The following SLC24A3 variants were observed in gnomAD, a reference collection of about 807,000 sequenced individuals.
SLC24A3 encodes sodium/potassium/calcium exchanger 3.
In SLC24A3, 28 loss-of-function variants were observed where a neutral mutation model predicts 75.8. The ratio of observed to expected loss-of-function variants is 0.37; its 90% CI spans 0.27 to 0.51. The LOEUF (loss-of-function observed/expected upper bound fraction) is 0.51. Ranked by LOEUF, SLC24A3 falls within the 20% of genes least tolerant of loss-of-function variation. The pLI, the probability that SLC24A3 is intolerant of heterozygous loss-of-function variation, is 0.94. For synonymous variants in SLC24A3, 372 were observed against 334.1 expected (o/e 1.11, Z -1.24); for missense variants, 663 against 847.8 (o/e 0.78, Z 2.71).
At chr20:19,379,299 C>T (rs186079630) in intron 2 of SLC24A3, among the ~76,000 whole-genome samples, 1 of 152,224 alleles carries the variant, frequency 6.6e-6, no homozygotes, top group Non-Finnish European at 1.5e-5. Context: ...TGTGTTTCTG[C>T]CTTCAGGGAT....
At chr20:19,431,135 G>A (rs187118983) in intron 2 of SLC24A3, among the ~76,000 whole-genome samples, 38 of 152,210 alleles carry the variant, frequency 2.5e-4, no homozygotes, top group African/African-American at 6.7e-4. Flanking sequence ...GTGTTGATGA[G>A]CACTACAGTG....
intron 2 of SLC24A3, among the ~76,000 whole-genome samples, chr20:19,410,256 G>A (rs373947704): frequency 1.3e-5 from 2 of 152,136 alleles, no homozygotes; most frequent in African/African-American, 4.8e-5. Context: ...CACCCAGAGG[G>A]AGAAAAATAA....
intron 1 of SLC24A3, among the ~76,000 whole-genome samples, chr20:19,251,283 C>G (rs1380242127): frequency 6.6e-6 from 1 of 152,244 alleles, no homozygotes; most frequent in African/African-American, 2.4e-5. Context: ...CTGGCATTTT[C>G]TTATGCCCTC....
intron 6 of SLC24A3, among the ~76,000 whole-genome samples, chr20:19,634,812 C>A (rs1291940915): frequency 6.6e-6 from 1 of 152,080 alleles, no homozygotes; most frequent in Non-Finnish European, 1.5e-5. Context: ...TATGTCTTGA[C>A]TGAGGTGATG....
At chr20:19,368,630 T>G (rs1985938816) in intron 2 of SLC24A3, among the ~76,000 whole-genome samples, 1 of 152,218 alleles carries the variant, frequency 6.6e-6, no homozygotes, top group Non-Finnish European at 1.5e-5. Context: ...CCATCTGCAG[T>G]CTCTGGTACA....
chr20:19,246,459 G>A (rs1465821962), intron 1 of SLC24A3, among the ~76,000 whole-genome samples: 1 of 152,090 alleles, frequency 6.6e-6, no homozygotes, highest in African/African-American at 2.4e-5. Flanking sequence ...AAGAAAAGGA[G>A]GATATAGGTA....
At chr20:19,646,020 ACT>A (rs2032132877) in intron 6 of SLC24A3, among the ~76,000 whole-genome samples, 1 of 152,188 alleles carries the variant, frequency 6.6e-6, no homozygotes, top group Non-Finnish European at 1.5e-5. Flanking sequence ...GCACCACTGC[ACT>A]CCAGCCTGGG....
intron 2 of SLC24A3, among the ~76,000 whole-genome samples, chr20:19,318,340 T>G (rs1000263743): frequency 6.6e-6 from 1 of 152,152 alleles, no homozygotes; most frequent in African/African-American, 2.4e-5. Context: ...TTGCATCCTT[T>G]TGTAGGTGGG....
intron 2 of SLC24A3, among the ~76,000 whole-genome samples, chr20:19,372,933 CCA>C (rs1986016389): frequency 6.6e-6 from 1 of 152,134 alleles, no homozygotes; most frequent in African/African-American, 2.4e-5. Flanking sequence ...TTCTTCTGAT[CCA>C]CAGTTTCCTG....
intron 1 of SLC24A3, among the ~76,000 whole-genome samples, chr20:19,280,271 C>T (rs764841080): frequency 2.6e-5 from 4 of 152,174 alleles, no homozygotes; most frequent in East Asian, 1.9e-4. Flanking sequence ...TTTCCTAGTT[C>T]GTGCCTTCAT....
intron 3 of SLC24A3, among the ~76,000 whole-genome samples, chr20:19,541,452 G>A (rs1306004773): frequency 6.6e-6 from 1 of 152,202 alleles, no homozygotes; most frequent in East Asian, 1.9e-4. Context: ...ATTAGCACGT[G>A]TGTGTCTATT....
At chr20:19,410,246 C>T (rs929869185) in intron 2 of SLC24A3, among the ~76,000 whole-genome samples, 4 of 152,150 alleles carry the variant, frequency 2.6e-5, no homozygotes, top group East Asian at 3.8e-4. Flanking sequence ...AGAAATGTGG[C>T]ACCCAGAGGG....
intron 2 of SLC24A3, among the ~76,000 whole-genome samples, chr20:19,285,294 A>G (rs547563606): frequency 2.8e-4 from 43 of 152,056 alleles, no homozygotes; most frequent in Non-Finnish European, 5.0e-4. Flanking sequence ...CCTGGGCAAC[A>G]TGGTGAAACC....
intron 3 of SLC24A3, among the ~76,000 whole-genome samples, chr20:19,544,081 A>G (rs2030548500): frequency 6.6e-6 from 1 of 152,218 alleles, no homozygotes; most frequent in Non-Finnish European, 1.5e-5. Flanking sequence ...ATTTCTAACC[A>G]AAAATATCAT....
Position 19,354,588 on chromosome 20 carries a change from A to G in SLC24A3, c.271+73501A>G, listed in dbSNP as rs866452300. On this transcript the variant is annotated intron_variant, in intron 2 of 16. Coordinates refer to ENST00000328041, the MANE Select transcript of SLC24A3 (RefSeq NM_020689.4). The stretch of plus-strand genomic sequence containing the variant: ...GGTGGACTTCATAAAAAATTTGTGT[A>G]TGTGTGTGTGTGTGTGTGTGTGTGT... Among the ~76,000 whole-genome samples the G allele has an allele frequency of 1.6e-3, 213 of 136,356 alleles. 1 individual carries two copies. The highest frequency in any genetic ancestry group is 5.9e-3 in the African/African-American group (189 of 32,006). The allele number at this position is 136,356 out of a possible 152,430, so 89.5% of individuals were successfully genotyped here.
intron 3 of SLC24A3, among the ~76,000 whole-genome samples, chr20:19,537,423 T>A (rs1171592329): frequency 6.6e-6 from 1 of 152,176 alleles, no homozygotes; most frequent in Admixed American, 6.5e-5. Context: ...TTTTACACTG[T>A]TGGTGGGACT....
chr20:19,225,472 G>A (rs1028317153), intron 1 of SLC24A3, among the ~76,000 whole-genome samples: 1 of 152,090 alleles, frequency 6.6e-6, no homozygotes, highest in African/African-American at 2.4e-5. Context: ...CCTTACATAT[G>A]TTAAATTGAT....
Position 19,575,945 on chromosome 20 carries a change from A to T in SLC24A3, c.349-4055A>T, listed in dbSNP as rs548763330. Among the ~76,000 whole-genome samples, 22 of 152,300 alleles carry T rather than the reference A, an allele frequency of 1.4e-4. No individual in the cohort carries two copies. The South Asian group carries it at 4.4e-3, about 30-fold the overall frequency. On this transcript the variant is annotated intron_variant, in intron 3 of 16. Coordinates refer to ENST00000328041, the MANE Select transcript of SLC24A3 (RefSeq NM_020689.4). ...AAGTGGAGATGGGGTGGTGAACCAG[A>T]AATGATCTTTATACAGGGAGATAGC... is the stretch of plus-strand genomic sequence containing the variant.
chr20:19,475,585 A>G (rs1284522590), intron 2 of SLC24A3, among the ~76,000 whole-genome samples: 2 of 152,234 alleles, frequency 1.3e-5, no homozygotes, highest in African/African-American at 4.8e-5. Flanking sequence ...GTTACTGGAC[A>G]TGACCAGTTA....
Sources: gnomAD v4.1 joint callset for allele counts (sites outside exome capture counted in the v4.1 genomes callset) on GRCh38, gnomAD v4.1.1 for gene constraint, MANE v1.5 for transcripts, NCBI Gene and HGNC (gene_info 2026-07-23, HGNC 2026-07-21) for gene names.